The following ASAP2 variants were observed in gnomAD, a reference collection of about 807,000 sequenced individuals.
ASAP2 encodes arf-GAP with SH3 domain, ANK repeat and PH domain-containing protein 2.
ASAP2 carries 45 observed loss-of-function variants against 131.4 expected under a neutral mutation model. The ratio of observed to expected loss-of-function variants is 0.34; its 90% CI spans 0.27 to 0.44. ASAP2 has a LOEUF of 0.44. Ranked by LOEUF, ASAP2 falls within the 20% of genes least tolerant of loss-of-function variation. The probability of loss-of-function intolerance (pLI) is 1.00; values close to 1 mark genes in which losing one functional copy is unlikely to be tolerated. For missense variants in ASAP2, 1,011 were observed against 1,297.0 expected, an observed-to-expected ratio of 0.78 and a Z score of 3.39; for synonymous variants, 510 against 503.0, an observed-to-expected ratio of 1.01 and a Z score of -0.19.
intron 1 of ASAP2, among the ~76,000 whole-genome samples, chr2:9,238,501 G>A (rs1028499498): frequency 1.3e-5 from 2 of 152,224 alleles, no homozygotes; most frequent in African/African-American, 4.8e-5. Flanking sequence ...CATGGGGGCT[G>A]CTCCATCCCT....
chr2:9,246,024 G>T (rs1572241390), intron 1 of ASAP2, among the ~76,000 whole-genome samples: 1 of 152,344 alleles, frequency 6.6e-6, no homozygotes, highest in East Asian at 1.9e-4. Flanking sequence ...GAAAAGGACA[G>T]GAGGGTGGTG....
At chr2:9,372,976 G>A (rs1674099864) in intron 16 of ASAP2, among the ~76,000 whole-genome samples, 1 of 152,142 alleles carries the variant, frequency 6.6e-6, no homozygotes, top group Non-Finnish European at 1.5e-5. Flanking sequence ...ATAACAAAAT[G>A]CTGTTATTCG....
chr2:9,309,334 G>T (rs767448498), intron 3 of ASAP2, among the ~76,000 whole-genome samples: 1 of 152,132 alleles, frequency 6.6e-6, no homozygotes, highest in African/African-American at 2.4e-5. Context: ...TGAATGAATC[G>T]CACAGTCATG....
Position 9,379,018 on chromosome 2 carries a change from G to A in ASAP2, c.1907G>A (p.Cys636Tyr). ...HYCCLTDNAE[C>Y]LKLLLRGKAS... Reference sequence around the variant, plus strand: ...TGCTGCCTGACCGACAATGCCGAGTGCCTCAAGTTGCTCCTGCGGGGGAAG... The same window carrying A: ...TGCTGCCTGACCGACAATGCCGAGTACCTCAAGTTGCTCCTGCGGGGGAAG... The change falls in exon 19 of 28, where the codon TGC (cysteine) becomes TAC (tyrosine). Residue 636 changes from cysteine to tyrosine, a missense_variant. By Grantham distance (194) the Cys-to-Tyr change is radical (BLOSUM62 -2). Coordinates refer to ENST00000281419, the MANE Select transcript of ASAP2 (RefSeq NM_003887.3). The A allele has an allele frequency of 6.3e-7, 1 of 1,578,544 alleles. No individual in the cohort carries two copies. The highest frequency in any genetic ancestry group is 8.6e-7 in the Non-Finnish European group (1 of 1,161,730).
At chr2:9,372,292 C>G (rs1674042019) in intron 16 of ASAP2, among the ~76,000 whole-genome samples, 1 of 152,074 alleles carries the variant, frequency 6.6e-6, no homozygotes, top group Admixed American at 6.5e-5. Context: ...GGGTGTCACA[C>G]TGTGCTGGAG....
At chr2:9,301,640 G>C (rs984608368) in intron 3 of ASAP2, among the ~76,000 whole-genome samples, 17 of 152,074 alleles carry the variant, frequency 1.1e-4, no homozygotes, top group Admixed American at 3.3e-4. Flanking sequence ...TGTCCTCACG[G>C]TCTGCAGAAC....
At chr2:9,249,094 G>T (rs1664533742) in intron 1 of ASAP2, among the ~76,000 whole-genome samples, 1 of 152,232 alleles carries the variant, frequency 6.6e-6, no homozygotes. Flanking sequence ...GCATGTAGGG[G>T]CTGAGAGGCT....
At chr2:9,350,919 C>A in intron 12 of ASAP2, 24 bp downstream of exon 12, 1 of 1,567,122 alleles carries the variant, frequency 6.4e-7, no homozygotes. Context: ...TGAGATGCCG[C>A]GCCATAGAGA....
chr2:9,272,501 T>C (rs919540781), intron 1 of ASAP2, among the ~76,000 whole-genome samples: 9 of 152,262 alleles, frequency 5.9e-5, no homozygotes, highest in African/African-American at 1.9e-4. Flanking sequence ...TCTCCCATTT[T>C]GTGGGTTGTC....
chr2:9,346,562 T>A (rs1020295091), intron 11 of ASAP2, among the ~76,000 whole-genome samples: 1 of 152,216 alleles, frequency 6.6e-6, no homozygotes, highest in Non-Finnish European at 1.5e-5. Context: ...TAGATGAGAC[T>A]AGGCACCCTT....
chr2:9,286,442 A>AT (rs1667467619), intron 2 of ASAP2, among the ~76,000 whole-genome samples: 1 of 137,360 alleles, frequency 7.3e-6, no homozygotes, highest in Non-Finnish European at 1.6e-5. Context: ...AAAAGGAAAA[A>AT]AAAAAATATA....
chr2:9,266,237 C>T (rs1665939701), intron 1 of ASAP2, among the ~76,000 whole-genome samples: 1 of 150,248 alleles, frequency 6.7e-6, no homozygotes, highest in African/African-American at 2.5e-5. Context: ...GCCTCGACTT[C>T]CCAGACTCAA....
chr2:9,309,427 G>A (rs6715973), intron 3 of ASAP2, among the ~76,000 whole-genome samples: 6,925 of 152,202 alleles, frequency 0.045, 388 homozygotes, highest in African/African-American at 0.12. Context: ...ATAAAATTCC[G>A]GAAAGTGCAG....
At chr2:9,283,072 CT>C (rs35131756) in intron 2 of ASAP2, among the ~76,000 whole-genome samples, 20,824 of 150,690 alleles carry the variant, frequency 0.14, 1,863 homozygotes, top group African/African-American at 0.26. Flanking sequence ...GTAATAGATT[CT>C]TTTTTTTTTC....
chr2:9,280,455 C>CAGA (rs1667061643), intron 2 of ASAP2, among the ~76,000 whole-genome samples: 1 of 151,994 alleles, frequency 6.6e-6, no homozygotes, highest in Non-Finnish European at 1.5e-5. Context: ...CGGGAAGAAT[C>CAGA]TAGCAGGAAA....
At chr2:9,242,587 A>G (rs1664050252) in intron 1 of ASAP2, among the ~76,000 whole-genome samples, 2 of 152,180 alleles carry the variant, frequency 1.3e-5, no homozygotes, top group Admixed American at 6.5e-5. Flanking sequence ...CTGAGTCTTC[A>G]TCCTGAAACT....
At chr2:9,329,539 G>A (rs1670695960) in intron 7 of ASAP2, among the ~76,000 whole-genome samples, 1 of 152,190 alleles carries the variant, frequency 6.6e-6, no homozygotes, top group African/African-American at 2.4e-5. Context: ...AGCAGCTTCA[G>A]GAAGCTTCTC....
intron 9 of ASAP2, among the ~76,000 whole-genome samples, chr2:9,339,663 G>A (rs558624447): frequency 2.0e-5 from 3 of 152,116 alleles, no homozygotes; most frequent in South Asian, 2.1e-4. Context: ...TGCTGCTGTC[G>A]TTGTGTGTGA....
intron 7 of ASAP2, among the ~76,000 whole-genome samples, chr2:9,333,454 A>G (rs1670973535): frequency 6.6e-6 from 1 of 152,230 alleles, no homozygotes; most frequent in Non-Finnish European, 1.5e-5. Context: ...AATAACTTGT[A>G]GGGGATTATG....
Sources: allele counts gnomAD v4.1 joint callset (sites outside exome capture counted in the v4.1 genomes callset), GRCh38; gene constraint gnomAD v4.1.1; transcripts MANE v1.5; gene names NCBI Gene and HGNC (gene_info 2026-07-23, HGNC 2026-07-21).